Variants in ADGRL2 observed in about 807,000 individuals in gnomAD.
The protein encoded by ADGRL2 is calcium-independent alpha-latrotoxin receptor 2.
In ADGRL2, 44 loss-of-function variants were observed where a neutral mutation model predicts 157.4. That is an observed-to-expected ratio of 0.28 (90% CI 0.22 to 0.36). ADGRL2 has a LOEUF of 0.36. Among genes scored for constraint, ADGRL2 ranks in the 10% least tolerant of loss-of-function variants. ADGRL2 has a pLI of 1.00. For missense variants in ADGRL2, 1,510 were observed against 1,768.9 expected (o/e 0.85, Z 2.63); for synonymous variants, 585 against 624.7 (o/e 0.94, Z 0.95).
intron 11 of ADGRL2, among the ~76,000 whole-genome samples, chr1:81,961,224 A>G (rs1023622712): frequency 6.6e-5 from 10 of 152,220 alleles, no homozygotes; most frequent in African/African-American, 2.4e-4. Flanking sequence ...GCATACAGAA[A>G]GTAGAGGATA....
intron 2 of ADGRL2, among the ~76,000 whole-genome samples, chr1:81,446,288 T>C (rs1014766202): frequency 3.3e-5 from 5 of 152,096 alleles, no homozygotes; most frequent in African/African-American, 1.2e-4. Flanking sequence ...TTCAGAAACA[T>C]GCAAACATCA....
At chr1:81,332,653 G>A (rs1418663809) in intron 1 of ADGRL2, among the ~76,000 whole-genome samples, 3 of 152,082 alleles carry the variant, frequency 2.0e-5, no homozygotes, top group African/African-American at 7.2e-5. Context: ...CAAAATATTG[G>A]ACTCCTCTGA....
chr1:81,568,942 AT>A (rs1378276315), intron 2 of ADGRL2, among the ~76,000 whole-genome samples: 2 of 152,176 alleles, frequency 1.3e-5, no homozygotes, highest in Non-Finnish European at 2.9e-5. Context: ...TAGACTGACA[AT>A]AGCTTCTCAA....
At chr1:81,607,941 C>T (rs986195692) in intron 3 of ADGRL2, among the ~76,000 whole-genome samples, 11 of 152,210 alleles carry the variant, frequency 7.2e-5, no homozygotes, top group South Asian at 2.1e-4. Flanking sequence ...AGTTTATTCT[C>T]AAGGGCATTC....
intron 3 of ADGRL2, among the ~76,000 whole-genome samples, chr1:81,635,464 T>G (rs1299840863): frequency 6.6e-6 from 1 of 152,198 alleles, no homozygotes; most frequent in Non-Finnish European, 1.5e-5. Flanking sequence ...TAGAACAAAA[T>G]GCCAGAAACT....
At chr1:81,570,859 A>T (rs2080672791) in intron 2 of ADGRL2, among the ~76,000 whole-genome samples, 1 of 152,174 alleles carries the variant, frequency 6.6e-6, no homozygotes, top group African/African-American at 2.4e-5. Context: ...TGTGTAGGCA[A>T]GACATTCACA....
chr1:81,897,651 G>C lies in ADGRL2; in HGVS notation c.74-9366G>C, dbSNP rs1486995433. Among the ~76,000 whole-genome samples, 4 of 152,030 alleles carry C rather than the reference G, an allele frequency of 2.6e-5. No homozygotes were observed. In the East Asian group the frequency reaches 7.7e-4, roughly 29 times the overall value. On this transcript the variant is annotated intron_variant, in intron 2 of 23. Transcript: ENST00000686636. ...TAGTATTTGAAACTATCAGCTAATG[G>C]TTTTCTAAAAGTATATTTTTACCTT...
At chr1:81,786,126 T>C (rs1408239752) in intron 2 of ADGRL2, among the ~76,000 whole-genome samples, 1 of 151,608 alleles carries the variant, frequency 6.6e-6, no homozygotes, top group Non-Finnish European at 1.5e-5. Flanking sequence ...TAAAATTAAA[T>C]AAAGAGTTAT....
chr1:81,952,750 G>A (rs1461093986), intron 9 of ADGRL2, among the ~76,000 whole-genome samples: 2 of 151,384 alleles, frequency 1.3e-5, no homozygotes, highest in Non-Finnish European at 2.9e-5. Context: ...TTTTTTTACT[G>A]CAGTATATAT....
At chr1:81,745,534 A>G (rs1412742019) in intron 1 of ADGRL2, among the ~76,000 whole-genome samples, 2 of 152,208 alleles carry the variant, frequency 1.3e-5, no homozygotes, top group Non-Finnish European at 1.5e-5. Context: ...GATTAAATGG[A>G]TCAATGTACG....
intron 1 of ADGRL2, chr1:81,721,753 C>A: frequency 7.1e-7 from 1 of 1,415,066 alleles, no homozygotes; most frequent in Non-Finnish European, 9.8e-7. Context: ...AGGATCCGAG[C>A]ATTCTGCACA....
At chr1:81,544,599 G>C (rs1248097645) in intron 2 of ADGRL2, among the ~76,000 whole-genome samples, 1 of 152,052 alleles carries the variant, frequency 6.6e-6, no homozygotes, top group African/African-American at 2.4e-5. Flanking sequence ...TTTTTGCCAA[G>C]TTGCCTAGTC....
chr1:81,990,364 A>C, intron 23 of ADGRL2, 27 bp from the exon 24 acceptor site: 1 of 1,599,794 alleles, frequency 6.3e-7, no homozygotes. Context: ...AGAGACAGTA[A>C]TGATAACTCC....
At chr1:81,307,490 T>C (rs995473723) in intron 1 of ADGRL2, among the ~76,000 whole-genome samples, 1 of 152,168 alleles carries the variant, frequency 6.6e-6, no homozygotes, top group Admixed American at 6.5e-5. Context: ...CCAGTTACAA[T>C]TTAGATTTCA....
intron 2 of ADGRL2, among the ~76,000 whole-genome samples, chr1:81,783,973 T>C (rs2086923285): frequency 6.6e-6 from 1 of 152,188 alleles, no homozygotes; most frequent in African/African-American, 2.4e-5. Flanking sequence ...ATCATTCCCA[T>C]TTTATAAATT....
At chr1:81,378,530 A>C (rs556738234) in intron 1 of ADGRL2, among the ~76,000 whole-genome samples, 43 of 144,312 alleles carry the variant, frequency 3.0e-4, no homozygotes, top group African/African-American at 1.1e-3. Context: ...ACTGCACTGC[A>C]CTCCAGCCTG....
intron 1 of ADGRL2, among the ~76,000 whole-genome samples, chr1:81,341,677 T>C (rs1225402685): frequency 6.6e-6 from 1 of 151,766 alleles, no homozygotes; most frequent in Non-Finnish European, 1.5e-5. Flanking sequence ...GTTACTCTCA[T>C]GTGACCATAC....
At chr1:81,375,268 G>A (rs747810819) in intron 1 of ADGRL2, among the ~76,000 whole-genome samples, 4 of 152,174 alleles carry the variant, frequency 2.6e-5, no homozygotes, top group Non-Finnish European at 5.9e-5. Context: ...TATCAGTATA[G>A]CCCAAAATTA....
At chr1:81,539,294 C>T (rs1364453004) in intron 2 of ADGRL2, among the ~76,000 whole-genome samples, 1 of 152,046 alleles carries the variant, frequency 6.6e-6, no homozygotes, top group Non-Finnish European at 1.5e-5. Context: ...CAACCAAAAA[C>T]AGCTACAAAA....
Sources: gnomAD v4.1 joint callset for allele counts (sites outside exome capture counted in the v4.1 genomes callset) on GRCh38, gnomAD v4.1.1 for gene constraint, MANE v1.5 for transcripts, NCBI Gene and HGNC (gene_info 2026-07-23, HGNC 2026-07-21) for gene names.